Variants in LRP1B observed in about 807,000 individuals in gnomAD.
LRP1B encodes the protein low-density lipoprotein receptor-related protein 1B.
A neutral mutation model predicts 556.6 loss-of-function variants in LRP1B; 217 were observed. The observed-to-expected ratio is 0.39, with a 90% confidence interval of 0.35 to 0.44. LRP1B has a LOEUF of 0.44. LRP1B is among the 20% of genes least tolerant of loss of function. The pLI is 1.00. For synonymous variants in LRP1B, 2,047 were observed against 1,865.8 expected, an observed-to-expected ratio of 1.10 and a Z score of -2.50; for missense variants, 5,053 against 5,620.8, an observed-to-expected ratio of 0.90 and a Z score of 3.23.
chr2:141,281,991 T>G (rs187973621), intron 3 of LRP1B, among the ~76,000 whole-genome samples: 68 of 152,262 alleles, frequency 4.5e-4, no homozygotes, highest in African/African-American at 1.6e-3. Context: ...ACTCTGATCT[T>G]GGTAAATAGT....
At chr2:140,280,865 A>T (rs527250754) in intron 84 of LRP1B, among the ~76,000 whole-genome samples, 1 of 151,938 alleles carries the variant, frequency 6.6e-6, no homozygotes, top group South Asian at 2.1e-4. Context: ...AGAGTGAACC[A>T]TGAACTTACA....
intron 6 of LRP1B, among the ~76,000 whole-genome samples, chr2:141,219,433 G>C (rs1375691721): frequency 2.0e-5 from 3 of 152,170 alleles, no homozygotes; most frequent in Non-Finnish European, 4.4e-5. Context: ...GGGTTTTATG[G>C]ATAAAACTCT....
At position 140,395,403 on chromosome 2, in the gene LRP1B, C is replaced by T. The variant is rs112065436; in HGVS notation, c.10415-9394G>A. On this transcript the variant is annotated intron_variant, in intron 66 of 90. Transcript: ENST00000389484. The stretch of plus-strand genomic sequence containing the variant: ...ATCTGGAAAGCTGCAGGTTAACCTA[C>T]GTTGTAAAGTGTTTGGTGAATCTGA... Among the ~76,000 whole-genome samples, 172 of 152,278 alleles carry T rather than the reference C, an allele frequency of 1.1e-3. 3 individuals carry two copies. The highest frequency in any genetic ancestry group is 3.6e-3 in the African/African-American group (150 of 41,578).
At chr2:142,051,663 G>T (rs757118306) in intron 1 of LRP1B, among the ~76,000 whole-genome samples, 2 of 151,888 alleles carry the variant, frequency 1.3e-5, no homozygotes, top group Admixed American at 6.6e-5. Flanking sequence ...TTTTAGTAGA[G>T]AGGGGGTTTC....
intron 61 of LRP1B, 150 bp from the exon 62 acceptor site, chr2:140,456,753 T>A (rs1303815441): frequency 1.9e-6 from 1 of 529,004 alleles, no homozygotes. Flanking sequence ...AAATATAATT[T>A]TACTTTGTCA....
rs1558781160 is a variant in LRP1B, at chr2:140,297,989, A to G, written c.12806-20T>C. 6.4e-7 allele frequency: 1 copy of G among 1,560,790 alleles called. No individual in the cohort carries two copies. Among genetic ancestry groups the G allele is most frequent in the African/African-American group, 1.4e-5 (1 of 73,374 alleles). On this transcript the variant is annotated intron_variant, in intron 83 of 90. Transcript: ENST00000389484. ...GTCTCCCTATTGGAAACAATAAGTA[A>G]TAAAAAGCAAATTATTCAACCAAAA...
At chr2:141,810,142 AAAG>A (rs1696303139) in intron 2 of LRP1B, 134 bp downstream of exon 2, 1 of 462,256 alleles carries the variant, frequency 2.2e-6, no homozygotes, top group South Asian at 6.1e-5. Context: ...AGAAAGAAAG[AAAG>A]AAAGAAAGAA....
intron 1 of LRP1B, among the ~76,000 whole-genome samples, chr2:142,009,974 ATGTATG>A (rs1180260609): frequency 3.9e-5 from 6 of 152,148 alleles, no homozygotes; most frequent in Non-Finnish European, 7.4e-5. Flanking sequence ...ATGAGTATAC[ATGTATG>A]TGTATATCTC....
chr2:142,045,327 C>A (rs192820779), intron 1 of LRP1B, among the ~76,000 whole-genome samples: 1 of 151,818 alleles, frequency 6.6e-6, no homozygotes, highest in Non-Finnish European at 1.5e-5. Context: ...GCAATTTCCT[C>A]ATTTAAAAAA....
At chr2:141,108,403 C>T (rs1700665187) in intron 7 of LRP1B, among the ~76,000 whole-genome samples, 1 of 119,506 alleles carries the variant, frequency 8.4e-6, no homozygotes, top group Non-Finnish European at 1.6e-5. Context: ...GGCTGGAGTG[C>T]AATGGCACAA....
At chr2:141,142,247 G>C (rs759093883) in intron 7 of LRP1B, among the ~76,000 whole-genome samples, 1 of 152,166 alleles carries the variant, frequency 6.6e-6, no homozygotes, top group Non-Finnish European at 1.5e-5. Flanking sequence ...AGAGGTTGCC[G>C]TGTTGACAGC....
At chr2:140,898,775 C>A (rs1419151736) in intron 23 of LRP1B, 3 of 579,540 alleles carry the variant, frequency 5.2e-6, no homozygotes, top group Admixed American at 2.1e-5. Flanking sequence ...TCTCTGGGAA[C>A]CAACTGGGAG....
intron 2 of LRP1B, among the ~76,000 whole-genome samples, chr2:141,690,376 G>T (rs1365857160): frequency 2.0e-5 from 2 of 102,196 alleles, no homozygotes; most frequent in Non-Finnish European, 3.9e-5. Context: ...ACCAAATCCA[G>T]AAAAGGGATT....
At chr2:141,467,845 G>GTGCGGGGC (rs1553518605) in intron 3 of LRP1B, among the ~76,000 whole-genome samples, 1 of 127,364 alleles carries the variant, frequency 7.9e-6, no homozygotes, top group Non-Finnish European at 1.7e-5. Flanking sequence ...GGACCGGGGG[G>GTGCGGGGC]GGGGGAATTC....
intron 20 of LRP1B, among the ~76,000 whole-genome samples, chr2:140,944,112 CA>C (rs2105290642): frequency 2.0e-5 from 3 of 152,096 alleles, no homozygotes; most frequent in Admixed American, 2.0e-4. Flanking sequence ...CATAGAAATG[CA>C]AAAGACTCTC....
intron 2 of LRP1B, among the ~76,000 whole-genome samples, chr2:141,782,790 GC>G (rs1695306447): frequency 6.6e-6 from 1 of 152,060 alleles, no homozygotes; most frequent in Non-Finnish European, 1.5e-5. Flanking sequence ...TTTCACAGAA[GC>G]TTTTTTTCCC....
At chr2:141,681,035 G>A (rs185052110) in intron 2 of LRP1B, among the ~76,000 whole-genome samples, 1 of 152,228 alleles carries the variant, frequency 6.6e-6, no homozygotes, top group East Asian at 1.9e-4. Flanking sequence ...GCTCATGCTT[G>A]TAATTCAGCA....
At chr2:141,471,669 C>T (rs1682478657) in intron 3 of LRP1B, among the ~76,000 whole-genome samples, 1 of 152,040 alleles carries the variant, frequency 6.6e-6, no homozygotes, top group Non-Finnish European at 1.5e-5. Flanking sequence ...TTTTACCTAC[C>T]TCAATTACTA....
intron 7 of LRP1B, among the ~76,000 whole-genome samples, chr2:141,156,242 C>T (rs936170284): frequency 6.6e-6 from 1 of 152,144 alleles, no homozygotes; most frequent in Admixed American, 6.6e-5. Flanking sequence ...GAAGTAGGCT[C>T]TTCAAGGTAT....
Sources: allele counts gnomAD v4.1 joint callset (sites outside exome capture counted in the v4.1 genomes callset), GRCh38; gene constraint gnomAD v4.1.1; transcripts MANE v1.5; gene names NCBI Gene and HGNC (gene_info 2026-07-23, HGNC 2026-07-21).